The following AOPEP variants were observed in gnomAD, a reference collection of about 807,000 sequenced individuals.
AOPEP encodes aminopeptidase O.
In AOPEP, 77 loss-of-function variants were observed where a neutral mutation model predicts 98.1. The ratio of observed to expected loss-of-function variants is 0.78; its 90% CI spans 0.65 to 0.95. AOPEP has a LOEUF of 0.95. Among genes scored for constraint, AOPEP ranks in the 40% least tolerant of loss-of-function variants. The pLI is 0.00. For synonymous variants in AOPEP, 346 were observed against 365.3 expected (o/e 0.95, Z 0.60); for missense variants, 1,024 against 1,024.7 (o/e 1.00, Z 0.01).
At chr9:95,004,302 C>T (rs562000603) in intron 11 of AOPEP, 2 of 456,592 alleles carry the variant, frequency 4.4e-6, no homozygotes, top group South Asian at 3.1e-5. Context: ...TGTAAACTTT[C>T]TCCCTAATTA....
At chr9:94,973,320 C>T (rs1271326180) in intron 10 of AOPEP, among the ~76,000 whole-genome samples, 1 of 152,232 alleles carries the variant, frequency 6.6e-6, no homozygotes, top group Non-Finnish European at 1.5e-5. Context: ...ATCCTATAAT[C>T]CCCATTCTTG....
intron 13 of AOPEP, among the ~76,000 whole-genome samples, chr9:95,015,924 A>T (rs947681377): frequency 2.0e-5 from 3 of 152,126 alleles, no homozygotes; most frequent in African/African-American, 7.2e-5. Context: ...GTGGTCTCGA[A>T]CTCCTGACCT....
At chr9:95,111,932 G>A in the AOPEP span, among the ~76,000 whole-genome samples, 3 of 152,154 alleles carry the variant, frequency 2.0e-5, no homozygotes, top group African/African-American at 4.8e-5. Flanking sequence ...GGAAGACTGC[G>A]GCCATGACCA....
intron 9 of AOPEP, among the ~76,000 whole-genome samples, chr9:94,960,891 A>G (rs1452517332): frequency 6.6e-6 from 1 of 151,996 alleles, no homozygotes; most frequent in Non-Finnish European, 1.5e-5. Context: ...GGGCGCCTGT[A>G]GTCCCAGCTA....
intron 2 of AOPEP, among the ~76,000 whole-genome samples, chr9:94,769,936 T>C (rs1446537863): frequency 6.6e-6 from 1 of 152,216 alleles, no homozygotes; most frequent in Non-Finnish European, 1.5e-5. Flanking sequence ...GAAAGGATGG[T>C]GACAACATGG....
the AOPEP span, among the ~76,000 whole-genome samples, chr9:95,148,568 A>G: frequency 2.0e-5 from 3 of 152,238 alleles, no homozygotes; most frequent in Non-Finnish European, 4.4e-5. Context: ...CAGCTTCCCA[A>G]TACTTAAAGT....
chr9:95,041,156 G>C (rs1587742370), intron 13 of AOPEP, among the ~76,000 whole-genome samples: 1 of 151,948 alleles, frequency 6.6e-6, no homozygotes, highest in South Asian at 2.1e-4. Context: ...TAGACATTTT[G>C]TCAGGCTTCT....
chr9:94,795,426 A>G (rs142591128), intron 4 of AOPEP, among the ~76,000 whole-genome samples: 18 of 152,204 alleles, frequency 1.2e-4, no homozygotes, highest in Admixed American at 4.6e-4. Flanking sequence ...TCTTTGGACA[A>G]AGCCACACTT....
chr9:95,073,547 G>T (rs1361825326), intron 14 of AOPEP, among the ~76,000 whole-genome samples: 2 of 151,858 alleles, frequency 1.3e-5, no homozygotes, highest in African/African-American at 4.8e-5. Context: ...AAGGCTGGGC[G>T]CAGTGGCTCA....
At chr9:94,757,743 G>GT (rs1221725514) in intron 1 of AOPEP, among the ~76,000 whole-genome samples, 7 of 152,130 alleles carry the variant, frequency 4.6e-5, no homozygotes, top group Non-Finnish European at 1.0e-4. Flanking sequence ...TTCCTTCTGT[G>GT]TGTGTGTGAG....
chr9:94,801,180 T>C (rs1379653353), intron 5 of AOPEP, among the ~76,000 whole-genome samples, 178 bp downstream of exon 5: 3 of 152,238 alleles, frequency 2.0e-5, no homozygotes, highest in East Asian at 3.8e-4. Context: ...GACTCCCTCA[T>C]GCACGAGCCT....
chr9:94,766,256 T>C (rs2132638950), intron 2 of AOPEP, among the ~76,000 whole-genome samples: 1 of 152,320 alleles, frequency 6.6e-6, no homozygotes, highest in African/African-American at 2.4e-5. Context: ...ACTGAAGCAT[T>C]GGCCCGGTGC....
intron 5 of AOPEP, among the ~76,000 whole-genome samples, chr9:94,874,116 T>C (rs755761624): frequency 4.8e-4 from 73 of 152,180 alleles, no homozygotes; most frequent in Non-Finnish European, 9.7e-4. Flanking sequence ...AAAATGTGAT[T>C]AGAAATTTTT....
rs890860008 is a variant in AOPEP at position 94,957,242 on chromosome 9, C to T, written c.1872+1227C>T. Among the ~76,000 whole-genome samples, 3 of 152,324 alleles carry T rather than the reference C, an allele frequency of 2.0e-5. No individual in the cohort carries two copies. In the East Asian group the frequency reaches 5.8e-4, roughly 29 times the overall value. The stretch of plus-strand genomic sequence containing the variant: ...TTTGTTGTTGGAGACAGATTCTCCT[C>T]TGTCGCCTAGGCTGGAGTGCAGTGG... On this transcript the variant is annotated intron_variant, in intron 9 of 16. Transcript: ENST00000375315.
At chr9:95,092,698 C>T in the AOPEP span, among the ~76,000 whole-genome samples, 2 of 152,182 alleles carry the variant, frequency 1.3e-5, no homozygotes, top group African/African-American at 2.4e-5. Flanking sequence ...TGAAGCTGCC[C>T]ATGGTCAGAC....
At chr9:94,984,010 T>C (rs961712730) in intron 11 of AOPEP, among the ~76,000 whole-genome samples, 1 of 151,832 alleles carries the variant, frequency 6.6e-6, no homozygotes, top group Non-Finnish European at 1.5e-5. Flanking sequence ...GCACTTGAAA[T>C]ATATCGAAAG....
the AOPEP span, chr9:95,111,020 A>C: frequency 6.9e-7 from 1 of 1,440,386 alleles, no homozygotes; most frequent in Non-Finnish European, 9.1e-7. Context: ...GACTGATCCA[A>C]GAAAGGAGAC....
rs60486681 is a variant in AOPEP at position 94,790,355 on chromosome 9, T to TG, written c.965-2406dup. ...CTAATTTTTGTGTTTTTAGTAGAGA[T>TG]GGGGTTTCACCATATTGCCCAGGCT... On this transcript the variant is annotated intron_variant, in intron 3 of 16. Transcript: ENST00000375315. Among the ~76,000 whole-genome samples, 796 of 151,418 alleles carry TG rather than the reference T, an allele frequency of 5.3e-3. 12 individuals are homozygous for TG. The highest frequency in any genetic ancestry group is 0.043 in the South Asian group (207 of 4,772).
At chr9:94,804,163 T>C (rs987680354) in intron 5 of AOPEP, among the ~76,000 whole-genome samples, 6 of 152,182 alleles carry the variant, frequency 3.9e-5, no homozygotes, top group Non-Finnish European at 8.8e-5. Flanking sequence ...ACTTACACTC[T>C]CTGTTATAAC....
Sources: gnomAD v4.1 joint callset for allele counts (sites outside exome capture counted in the v4.1 genomes callset) on GRCh38, gnomAD v4.1.1 for gene constraint, MANE v1.5 for transcripts, NCBI Gene and HGNC (gene_info 2026-07-23, HGNC 2026-07-21) for gene names.